The following ZNF254 variants were observed in gnomAD, a reference collection of about 807,000 sequenced individuals.
ZNF254 encodes the protein zinc finger protein 254.
ZNF254 carries 10 observed loss-of-function variants against 12.4 expected under a neutral mutation model. That is an observed-to-expected ratio of 0.80 (90% CI 0.50 to 1.36). The LOEUF is 1.36. Among genes scored for constraint, ZNF254 ranks in the 40% most tolerant of loss-of-function variants. The pLI, the probability that ZNF254 is intolerant of heterozygous loss-of-function variation, is 0.00. For missense variants in ZNF254, 996 were observed against 763.9 expected, an observed-to-expected ratio of 1.30 and a Z score of -3.58; for synonymous variants, 305 against 253.4, an observed-to-expected ratio of 1.20 and a Z score of -1.93.
At position 24,106,007 on chromosome 19, in the gene ZNF254, C is replaced by A; in HGVS notation, c.98C>A (p.Ala33Glu). ...GAGGAGTGGCAACACCTGGACATTGCACAGCAGAATTTATATAGAAATGTG... is the reference window on the plus strand; with the variant it reads ...GAGGAGTGGCAACACCTGGACATTGAACAGCAGAATTTATATAGAAATGTG... ...SLEEWQHLDIAQQNLYRNVML... is the reference protein window; with the variant it reads ...SLEEWQHLDIEQQNLYRNVML... Residue 33 changes from alanine to glutamate, a missense_variant, in exon 2 of 4, where the codon GCA becomes GAA. By Grantham distance (107) the Ala-to-Glu change is moderately radical. Transcript: ENST00000357002. 1 of 1,600,222 alleles carries A rather than the reference C, an allele frequency of 6.2e-7. No individual in the cohort carries two copies. The highest frequency in any genetic ancestry group is 8.5e-7 in the Non-Finnish European group (1 of 1,171,744).
intron 3 of ZNF254, among the ~76,000 whole-genome samples, chr19:24,110,536 A>G (rs1299091247): frequency 2.0e-5 from 3 of 152,022 alleles, no homozygotes; most frequent in Non-Finnish European, 2.9e-5. Context: ...ATTGCGTGCA[A>G]GCTTGGGTGA....
chr19:24,069,780 ATC>A (rs1191424455), intron 2 of ZNF254, among the ~76,000 whole-genome samples: 2 of 151,256 alleles, frequency 1.3e-5, no homozygotes, highest in African/African-American at 2.4e-5. Context: ...GTAAAACCCC[ATC>A]TCTACTAAAA....
At chr19:24,120,894 A>G (rs776759844) in intron 3 of ZNF254, among the ~76,000 whole-genome samples, 5 of 151,908 alleles carry the variant, frequency 3.3e-5, no homozygotes, top group Non-Finnish European at 5.9e-5. Context: ...GATGGTCTCA[A>G]TCTCCTGACC....
chr19:24,085,264 A>G (rs1033762164), upstream of ZNF254, among the ~76,000 whole-genome samples: 2 of 151,584 alleles, frequency 1.3e-5, no homozygotes, highest in Admixed American at 1.3e-4. Context: ...TAGAAAAGCT[A>G]ACTATATTTA....
chr19:24,058,028 C>T (rs1214077816), intron 2 of ZNF254, among the ~76,000 whole-genome samples: 1 of 152,194 alleles, frequency 6.6e-6, no homozygotes, highest in African/African-American at 2.4e-5. Flanking sequence ...CTGGACCCAG[C>T]ACCTAGATGA....
chr19:24,121,717 C>T (rs1446872383), intron 3 of ZNF254, among the ~76,000 whole-genome samples: 2 of 152,102 alleles, frequency 1.3e-5, no homozygotes, highest in Non-Finnish European at 2.9e-5. Flanking sequence ...ACTACCAAGC[C>T]TGGATAATTA....
chr19:24,106,755 G>A (rs1262013979), intron 3 of ZNF254, 112 bp downstream of exon 3: 1 of 1,020,770 alleles, frequency 9.8e-7, no homozygotes, highest in Middle Eastern at 2.4e-4. Context: ...TAGTTTCTGG[G>A]AAGCCTAAAT....
chr19:24,048,003 CTTTTTTTTTTTTT>C (rs398034320), intron 2 of ZNF254, among the ~76,000 whole-genome samples: 1 of 68,810 alleles, frequency 1.5e-5, no homozygotes, highest in East Asian at 4.1e-4. Context: ...TTCTTTTCTT[CTTTTTTTTTTTTT>C]TTTTTTTTTT....
intron 3 of ZNF254, among the ~76,000 whole-genome samples, chr19:24,121,644 G>A (rs562920274): frequency 4.6e-5 from 7 of 151,978 alleles, no homozygotes; most frequent in Admixed American, 1.3e-4. Context: ...TGCAACCTCC[G>A]CCTTCCAGGT....
chr19:24,087,255 G>A lies in ZNF254; in HGVS notation c.-53G>A, dbSNP rs1972078549. ...CTGCTCTGTGTCCTCTGCTCCTAGAGGCCCAGCCTCTGTGGCGCTGTTACC... is the reference window on the plus strand; with the variant it reads ...CTGCTCTGTGTCCTCTGCTCCTAGAAGCCCAGCCTCTGTGGCGCTGTTACC... On this transcript the variant is annotated 5_prime_UTR_variant, in exon 1 of 4. Coordinates refer to ENST00000357002, the MANE Select transcript of ZNF254 (RefSeq NM_203282.4). The A allele has an allele frequency of 1.2e-6, 2 of 1,611,858 alleles. No homozygotes were observed. The highest frequency in any genetic ancestry group is 2.7e-5 in the African/African-American group (2 of 74,968).
chr19:24,123,464 C>A (rs1327447373), intron 3 of ZNF254, among the ~76,000 whole-genome samples: 2 of 152,076 alleles, frequency 1.3e-5, no homozygotes, highest in Non-Finnish European at 2.9e-5. Flanking sequence ...TATTAACATT[C>A]TTTCTTGTTT....
chr19:24,128,027 A>G lies in ZNF254; in HGVS notation c.*47A>G. On this transcript the variant is annotated 3_prime_UTR_variant, in exon 4 of 4. Transcript: ENST00000357002. ...AAACCCTCAATTCTTAATAGATATAAGATTATTCCTACTGGAGAGAAACTA... is the reference window on the plus strand; with the variant it reads ...AAACCCTCAATTCTTAATAGATATAGGATTATTCCTACTGGAGAGAAACTA... The G allele has an allele frequency of 6.8e-7, 1 of 1,478,496 alleles. No individual in the cohort carries two copies. The highest frequency in any genetic ancestry group is 8.9e-7 in the Non-Finnish European group (1 of 1,118,916). 91.6% of individuals were successfully genotyped at this position (1,478,496 alleles called of 1,614,324 possible). A position where few individuals can be genotyped will look rare whatever the true frequency, so the allele number is the denominator to read the frequency against.
At chr19:24,100,803 CT>C (rs1972976383) in intron 1 of ZNF254, among the ~76,000 whole-genome samples, 1 of 146,294 alleles carries the variant, frequency 6.8e-6, no homozygotes, top group Non-Finnish European at 1.5e-5. Context: ...AATAAACTGT[CT>C]ACTTATATTC....
At chr19:24,100,678 CTCTCT>C (rs201500720) in intron 1 of ZNF254, among the ~76,000 whole-genome samples, 2,034 of 136,096 alleles carry the variant, frequency 0.015, 43 homozygotes, top group African/African-American at 0.05. Context: ...GTATGTCTCT[CTCTCT>C]TTTTTTTTTT....
intron 1 of ZNF254, among the ~76,000 whole-genome samples, chr19:24,100,451 A>AGT (rs1224545312): frequency 1.2e-4 from 19 of 152,002 alleles, no homozygotes; most frequent in Non-Finnish European, 2.2e-4. Context: ...TACTTATAAA[A>AGT]CTCAGAGAGA....
chr19:24,117,598 A>G (rs1974181597), intron 3 of ZNF254, among the ~76,000 whole-genome samples: 1 of 151,942 alleles, frequency 6.6e-6, no homozygotes, highest in African/African-American at 2.4e-5. Flanking sequence ...GCCGTCTGTC[A>G]CCCCTTTCTT....
At chr19:24,094,012 T>A (rs1302680968) in intron 1 of ZNF254, among the ~76,000 whole-genome samples, 1 of 152,186 alleles carries the variant, frequency 6.6e-6, no homozygotes, top group Admixed American at 6.5e-5. Flanking sequence ...TATTCGTAGA[T>A]ATTTTATTCT....
chr19:24,122,564 C>A (rs1035111897), intron 3 of ZNF254, among the ~76,000 whole-genome samples: 2 of 151,962 alleles, frequency 1.3e-5, no homozygotes, highest in African/African-American at 4.8e-5. Context: ...AAACGCCAGT[C>A]TGTTCTTTGT....
chr19:24,094,496 T>G (rs1348193164), intron 1 of ZNF254, among the ~76,000 whole-genome samples: 1 of 152,156 alleles, frequency 6.6e-6, no homozygotes, highest in Non-Finnish European at 1.5e-5. Flanking sequence ...TCTGATCTCG[T>G]GAGCCACCCA....
Sources: gnomAD v4.1 joint callset for allele counts (sites outside exome capture counted in the v4.1 genomes callset) on GRCh38, gnomAD v4.1.1 for gene constraint, MANE v1.5 for transcripts, NCBI Gene and HGNC (gene_info 2026-07-23, HGNC 2026-07-21) for gene names.